The following ZNF263 variants were observed in gnomAD, a reference collection of about 807,000 sequenced individuals.
The protein encoded by ZNF263 is zinc finger protein FPM315.
A neutral mutation model predicts 63.1 loss-of-function variants in ZNF263; 49 were observed. The observed-to-expected ratio is 0.78, with a 90% CI of 0.62 to 0.99. The LOEUF (loss-of-function observed/expected upper bound fraction) is 0.99. Ranked by LOEUF, ZNF263 falls within the 50% of genes least tolerant of loss-of-function variation. The probability of loss-of-function intolerance (pLI) is 0.00; values close to 1 mark genes in which losing one functional copy is unlikely to be tolerated. For missense variants in ZNF263, 872 were observed against 854.8 expected, an observed-to-expected ratio of 1.02 and a Z score of -0.25; for synonymous variants, 352 against 324.2, an observed-to-expected ratio of 1.09 and a Z score of -0.92.
chr16:3,290,570 T>C lies in ZNF263; in HGVS notation c.*12T>C. 10 of 1,590,550 alleles carry C rather than the reference T, an allele frequency of 6.3e-6. No individual in the cohort carries two copies. The highest frequency in any genetic ancestry group is 8.6e-6 in the Non-Finnish European group (10 of 1,168,500). The stretch of plus-strand genomic sequence containing the variant: ...CTCACACAGGTTAGTAACAGTGGGG[T>C]TTCTCTTTGCCCCAGGTGAGGTGGC... On this transcript the variant is annotated 3_prime_UTR_variant, in exon 6 of 6. Coordinates refer to ENST00000219069, the MANE Select transcript of ZNF263 (RefSeq NM_005741.5).
intron 2 of ZNF263, chr16:3,300,672 T>C (rs539105885): frequency 2.4e-5 from 36 of 1,516,310 alleles, no homozygotes; most frequent in Middle Eastern, 2.0e-4. Context: ...CCTTAATGAA[T>C]TGGCAAAAAA....
intron 2 of ZNF263, chr16:3,300,702 CAA>C: frequency 6.7e-7 from 1 of 1,493,126 alleles, no homozygotes; most frequent in East Asian, 2.3e-5. Context: ...ATTTTTTAAA[CAA>C]AACTTAGCTG....
In ZNF263 at chr16:3,290,652, A is replaced by C; in HGVS notation, c.*94A>C. 1 of 1,483,100 alleles carries C rather than the reference A, an allele frequency of 6.7e-7. No individual in the cohort carries two copies. The highest frequency in any genetic ancestry group is 8.9e-7 in the Non-Finnish European group (1 of 1,125,114). 91.9% of individuals were successfully genotyped at this position (1,483,100 alleles called of 1,614,324 possible). A position where few individuals can be genotyped will look rare whatever the true frequency, so the allele number is the denominator to read the frequency against. The stretch of plus-strand genomic sequence containing the variant: ...TATTCCCTGCCCAGCCGACCAAATG[A>C]CCTCTGCATTCTTCAGGTAATGGGG... On this transcript the variant is annotated 3_prime_UTR_variant, in exon 6 of 6. Coordinates refer to ENST00000219069, the MANE Select transcript of ZNF263 (RefSeq NM_005741.5).
exon 2 of ZNF263, chr16:3,299,115 G>C (rs143297362): frequency 6.9e-7 from 1 of 1,458,412 alleles, no homozygotes; most frequent in Non-Finnish European, 9.0e-7. Context: ...GTGTGAAGTG[G>C]AATCTCTGAA....
At chr16:3,295,866 C>G (rs1042388272), downstream of ZNF263, among the ~76,000 whole-genome samples, 2 of 152,144 alleles carry the variant, frequency 1.3e-5, no homozygotes, top group East Asian at 3.9e-4. Flanking sequence ...TCAAGACTTA[C>G]GTGGGCCGAG....
At position 3,290,319 on chromosome 16, in the gene ZNF263, T is replaced by C; in HGVS notation, c.1813T>C (p.Cys605Arg). The C allele has an allele frequency of 1.2e-6, 2 of 1,614,048 alleles. No individual in the cohort carries two copies. Among genetic ancestry groups the C allele is most frequent in the Non-Finnish European group, 1.7e-6 (2 of 1,179,994 alleles). Residue 605 changes from cysteine to arginine, a missense_variant, in exon 6 of 6, where the codon TGT becomes CGT. Physicochemically the swap from Cys to Arg is radical, Grantham distance 180. Coordinates refer to ENST00000219069, the MANE Select transcript of ZNF263 (RefSeq NM_005741.5). ...RTHTGEKPYK[C>R]TLCGENFSHR... ...ACACACAGGAGAGAAACCGTATAAATGTACCCTTTGTGGGGAAAACTTCTC... is the reference window on the plus strand; with the variant it reads ...ACACACAGGAGAGAAACCGTATAAACGTACCCTTTGTGGGGAAAACTTCTC...
intron 2 of ZNF263, chr16:3,300,072 G>A (rs372557510): frequency 1.9e-6 from 3 of 1,614,128 alleles, no homozygotes; most frequent in Non-Finnish European, 2.5e-6. Context: ...TCCAAAAGAG[G>A]TCTGTTTCAT....
rs747881323 is a variant in ZNF263, at chr16:3,290,515, G to A, written c.2009G>A (p.Arg670Gln). 14 of 1,613,580 alleles carry A rather than the reference G, an allele frequency of 8.7e-6. No individual in the cohort carries two copies. The highest frequency in any genetic ancestry group is 3.3e-4 in the Middle Eastern group (2 of 6,084). The change falls in exon 6 of 6, where the codon CGG (arginine) becomes CAG (glutamine). Residue 670 changes from arginine (R) to glutamine (Q), a missense_variant. Physicochemically the swap from Arg to Gln is conservative, Grantham distance 43. Coordinates refer to ENST00000219069, the MANE Select transcript of ZNF263 (RefSeq NM_005741.5). ...TCTGAATGTGGAGAAAGCTTCTCTC[G>A]GAGTTCCCGTCTTATGAGTCATCAG... ...KCSECGESFS[R>Q]SSRLMSHQRT...
intron 5 of ZNF263, 91 bp from the exon 6 acceptor site, chr16:3,289,302 T>C (rs1959504494): frequency 7.2e-7 from 1 of 1,394,262 alleles, no homozygotes. Context: ...CCTTCTGGGC[T>C]GCTGACCTAA....
At chr16:3,299,621 G>C (rs1210819910) in intron 2 of ZNF263, 2 of 1,564,626 alleles carry the variant, frequency 1.3e-6, no homozygotes, top group East Asian at 2.3e-5. Flanking sequence ...ATCACACCTT[G>C]ATTCATTGGT....
chr16:3,301,372 G>A (rs1208540087), exon 3 of ZNF263: 1 of 167,086 alleles, frequency 6.0e-6, no homozygotes, highest in Non-Finnish European at 1.5e-5. Context: ...AACTTTTATT[G>A]CATTCAATAT....
chr16:3,288,782 A>G (rs1455941380), intron 5 of ZNF263, among the ~76,000 whole-genome samples: 1 of 152,092 alleles, frequency 6.6e-6, no homozygotes, highest in East Asian at 1.9e-4. Flanking sequence ...AGTAGCTGGG[A>G]TTACAGGCAT....
intron 2 of ZNF263, chr16:3,299,764 A>G (rs1567258559): frequency 6.4e-7 from 1 of 1,550,966 alleles, no homozygotes; most frequent in Non-Finnish European, 8.7e-7. Context: ...CTCGTCATGA[A>G]ATCTTAGAAC....
intron 1 of ZNF263, chr16:3,299,025 A>G: frequency 2.2e-6 from 3 of 1,378,476 alleles, no homozygotes; most frequent in Non-Finnish European, 2.8e-6. Flanking sequence ...TATGAGGCCT[A>G]GGTTTCAAAA....
In ZNF263 at chr16:3,290,139, CTT is replaced by C; in HGVS notation, c.1635_1636del (p.Tyr546ProfsTer4). ...IHERTHERER[L>X]YPFSECGEAV... ...CGAAAGAACTCATGAGAGAGAGAGA[CTT>C]TACCCCTTCTCTGAGTGTGGGGAAG... On this transcript the variant is annotated frameshift_variant, in exon 6 of 6. Coordinates refer to ENST00000219069, the MANE Select transcript of ZNF263 (RefSeq NM_005741.5). LOFTEE classifies it high-confidence loss of function. 6.2e-7 allele frequency: 1 copy of C among 1,614,100 alleles called. No homozygotes were observed. The highest frequency in any genetic ancestry group is 8.5e-7 in the Non-Finnish European group (1 of 1,180,012).
At position 3,284,120 on chromosome 16, in the gene ZNF263, T is replaced by A; in HGVS notation, c.302T>A (p.Val101Glu). 6.2e-7 allele frequency: 1 copy of A among 1,609,754 alleles called. No homozygotes were observed. Among genetic ancestry groups the A allele is most frequent in the Non-Finnish European group, 8.5e-7 (1 of 1,177,472 alleles). ...CTGCCCCAGGAGATCCAGAGCAGGG[T>A]GCAGGAGCTGCATCCGGAGAGCGGC... ...TILPQEIQSR[V>E]QELHPESGEE... The change falls in exon 1 of 6, where the codon GTG becomes GAG. Residue 101 changes from valine to glutamate, a missense_variant. By Grantham distance (121) the Val-to-Glu change is moderately radical. Transcript: ENST00000219069.
At chr16:3,300,507 T>A in intron 2 of ZNF263, 1 of 1,614,128 alleles carries the variant, frequency 6.2e-7, no homozygotes, top group Admixed American at 1.7e-5. Context: ...ACTTACTGAT[T>A]CCAAATTCAT....
chr16:3,299,458 CT>C, intron 2 of ZNF263: 1 of 1,554,410 alleles, frequency 6.4e-7, no homozygotes. Flanking sequence ...TTCTTCCCAA[CT>C]TTTTGCCCAG....
chr16:3,295,896 G>A (rs915556468), downstream of ZNF263, among the ~76,000 whole-genome samples: 1 of 152,200 alleles, frequency 6.6e-6, no homozygotes, highest in African/African-American at 2.4e-5. Flanking sequence ...AAATCTCGTA[G>A]GATGTCCCCC....
Sources: allele counts gnomAD v4.1 joint callset (sites outside exome capture counted in the v4.1 genomes callset), GRCh38; gene constraint gnomAD v4.1.1; transcripts MANE v1.5; gene names NCBI Gene and HGNC (gene_info 2026-07-23, HGNC 2026-07-21).